Variants in TMPRSS11A observed in about 807,000 individuals in gnomAD.
TMPRSS11A encodes the protein transmembrane serine protease 11A.
TMPRSS11A carries 53 observed loss-of-function variants against 58.9 expected under a neutral mutation model. That is an observed-to-expected ratio of 0.90 (90% CI 0.72 to 1.13). TMPRSS11A has a LOEUF of 1.13. Ranked by LOEUF, TMPRSS11A falls within the 50% of genes most tolerant of loss-of-function variation. TMPRSS11A has a pLI of 0.00. For synonymous variants in TMPRSS11A, 167 were observed against 169.8 expected (o/e 0.98, Z 0.13); for missense variants, 493 against 499.3 (o/e 0.99, Z 0.12).
intron 4 of TMPRSS11A, 22 bp from the exon 5 acceptor site, chr4:67,930,062 T>C: frequency 6.3e-7 from 1 of 1,594,078 alleles, no homozygotes; most frequent in Non-Finnish European, 8.6e-7. Context: ...AAAAGAAAGG[T>C]ACATTTTCAA....
intron 5 of TMPRSS11A, among the ~76,000 whole-genome samples, chr4:67,928,404 A>G (rs1354113015): frequency 6.6e-6 from 1 of 152,232 alleles, no homozygotes; most frequent in Non-Finnish European, 1.5e-5. Flanking sequence ...ATTTAGTACA[A>G]TTATTAAAAT....
At chr4:67,922,233 G>A (rs1322738236) in intron 7 of TMPRSS11A, among the ~76,000 whole-genome samples, 1 of 152,130 alleles carries the variant, frequency 6.6e-6, no homozygotes, top group Non-Finnish European at 1.5e-5. Flanking sequence ...CATTTTGGTT[G>A]TAAACTGTTC....
chr4:67,941,280 C>G (rs1720874139), intron 3 of TMPRSS11A, among the ~76,000 whole-genome samples: 1 of 152,178 alleles, frequency 6.6e-6, no homozygotes, highest in Non-Finnish European at 1.5e-5. Flanking sequence ...TTAGCAACAA[C>G]AAACAGGTGT....
chr4:67,944,609 GGAGCCATGATA>G lies in TMPRSS11A; in HGVS notation c.151_161del (p.Tyr51LeufsTer2). 13 of 1,612,794 alleles carry G rather than the reference GGAGCCATGATA, an allele frequency of 8.1e-6. No individual in the cohort carries two copies. The highest frequency in any genetic ancestry group is 1.1e-5 in the Non-Finnish European group (13 of 1,179,092). On this transcript the variant is annotated frameshift_variant, in exon 3 of 10. Coordinates refer to ENST00000508048, the MANE Select transcript of TMPRSS11A (RefSeq NM_001114387.2). LOFTEE classifies it high-confidence loss of function. The stretch of plus-strand genomic sequence containing the variant: ...TGATTTGTGGATCTAAAATTTTAAA[GGAGCCATGATA>G]GTACTCCTTTTTTTGGTCTGCAATG...
Position 67,946,560 on chromosome 4 carries a change from A to T in TMPRSS11A, c.23T>A (p.Phe8Tyr), listed in dbSNP as rs996033683. 6.2e-7 allele frequency: 1 copy of T among 1,611,494 alleles called. No homozygotes were observed. The highest frequency in any genetic ancestry group is 8.5e-7 in the Non-Finnish European group (1 of 1,178,838). Residue 8 changes from phenylalanine (F) to tyrosine (Y), a missense_variant, in exon 2 of 10, where the codon TTT (phenylalanine) becomes TAT (tyrosine). Transcript: ENST00000508048. ...CTTCAGATTTCTGCTTCGGGTGCCA[A>T]ATCCCACTGTCCTGAGAAAAGGAAG... MMYRTVG[F>Y]GTRSRNLKPW...
chr4:67,942,650 C>A (rs1720907339), intron 3 of TMPRSS11A, among the ~76,000 whole-genome samples: 1 of 152,168 alleles, frequency 6.6e-6, no homozygotes, highest in South Asian at 2.1e-4. Flanking sequence ...CACACTGAGT[C>A]AGCCATTTTG....
chr4:67,956,183 A>T (rs1721283845), intron 1 of TMPRSS11A, among the ~76,000 whole-genome samples: 1 of 152,216 alleles, frequency 6.6e-6, no homozygotes, highest in Non-Finnish European at 1.5e-5. Context: ...GAGGTGTCAT[A>T]TAGGTGATCT....
At chr4:67,956,803 A>G (rs983925161) in intron 1 of TMPRSS11A, among the ~76,000 whole-genome samples, 1 of 152,122 alleles carries the variant, frequency 6.6e-6, no homozygotes, top group African/African-American at 2.4e-5. Context: ...TCTATCAACT[A>G]TTATTCCTTA....
chr4:67,931,613 G>T (rs1720622667), intron 4 of TMPRSS11A, among the ~76,000 whole-genome samples: 1 of 152,116 alleles, frequency 6.6e-6, no homozygotes, highest in African/African-American at 2.4e-5. Flanking sequence ...CCTGCTTAAC[G>T]TGGTTGAAAT....
chr4:67,916,481 AC>A (rs1720150897), intron 8 of TMPRSS11A, among the ~76,000 whole-genome samples: 1 of 41,448 alleles, frequency 2.4e-5, no homozygotes, highest in African/African-American at 5.4e-5. Flanking sequence ...ATACACACAC[AC>A]ACACACACAC....
At chr4:67,942,472 A>T (rs1720903995) in intron 3 of TMPRSS11A, among the ~76,000 whole-genome samples, 1 of 152,226 alleles carries the variant, frequency 6.6e-6, no homozygotes, top group South Asian at 2.1e-4. Context: ...AGCCTTGATC[A>T]TCTTCATCTT....
At chr4:67,917,836 T>G (rs975339454) in intron 8 of TMPRSS11A, among the ~76,000 whole-genome samples, 1 of 152,038 alleles carries the variant, frequency 6.6e-6, no homozygotes, top group Admixed American at 6.6e-5. Context: ...TCAGAGAAAA[T>G]CCATCCAAGA....
intron 3 of TMPRSS11A, among the ~76,000 whole-genome samples, chr4:67,937,761 G>GAT (rs1050579643): frequency 9.9e-5 from 15 of 152,034 alleles, no homozygotes; most frequent in Non-Finnish European, 1.9e-4. Flanking sequence ...GGTATATATA[G>GAT]ATATATATAC....
intron 3 of TMPRSS11A, among the ~76,000 whole-genome samples, chr4:67,939,797 T>C (rs553737826): frequency 6.6e-6 from 1 of 152,290 alleles, no homozygotes; most frequent in African/African-American, 2.4e-5. Flanking sequence ...CAAGTGATTC[T>C]CCTGCCTCAG....
chr4:67,923,436 A>C (rs1490789019), intron 6 of TMPRSS11A, among the ~76,000 whole-genome samples: 1 of 152,244 alleles, frequency 6.6e-6, no homozygotes, highest in Non-Finnish European at 1.5e-5. Flanking sequence ...ATCTTTCAAA[A>C]TTTAGGCCAC....
intron 3 of TMPRSS11A, among the ~76,000 whole-genome samples, chr4:67,944,303 C>G (rs1720947958): frequency 6.6e-6 from 1 of 152,012 alleles, no homozygotes; most frequent in African/African-American, 2.4e-5. Context: ...ATTAGAATCA[C>G]CCATTTGTTA....
At position 67,910,624 on chromosome 4, in the gene TMPRSS11A, T is replaced by C. The variant is rs1577847173; in HGVS notation, c.*718A>G. On this transcript the variant is annotated 3_prime_UTR_variant, in exon 10 of 10. Transcript: ENST00000508048. ...CAAATATATAGTTTTGATTAACTAA[T>C]CACTCTATCTATCTATATATAATTC... 6.6e-6 allele frequency: 1 copy of C among 152,100 alleles called. No individual in the cohort carries two copies. Among genetic ancestry groups the C allele is most frequent in the Non-Finnish European group, 1.5e-5 (1 of 67,954 alleles). The allele number at this position is 152,100 out of a possible 1,614,324, so 9.4% of individuals were successfully genotyped here.
At chr4:67,913,605 A>G (rs1720063584) in intron 9 of TMPRSS11A, among the ~76,000 whole-genome samples, 1 of 152,154 alleles carries the variant, frequency 6.6e-6, no homozygotes, top group South Asian at 2.1e-4. Flanking sequence ...GTCTGCTCCA[A>G]GACTCCTGCA....
At position 67,920,549 on chromosome 4, in the gene TMPRSS11A, A is replaced by ATATATAT. The variant is rs371252656; in HGVS notation, c.693-1318_693-1317insATATATA. ...TAATTATATATATATATATATATAT[A>ATATATAT]TTTTTTTTTATATATACACACACAC... On this transcript the variant is annotated intron_variant, in intron 7 of 9. Transcript: ENST00000508048. Among the ~76,000 whole-genome samples the ATATATAT allele has an allele frequency of 8.8e-3, 1,149 of 130,846 alleles. 11 individuals carry two copies. The highest frequency in any genetic ancestry group is 0.016 in the African/African-American group (518 of 32,622). 85.8% of individuals were successfully genotyped at this position (130,846 alleles called of 152,430 possible). A position where few individuals can be genotyped will look rare whatever the true frequency, so the allele number is the denominator to read the frequency against.
Sources: allele counts gnomAD v4.1 joint callset (sites outside exome capture counted in the v4.1 genomes callset), GRCh38; gene constraint gnomAD v4.1.1; transcripts MANE v1.5; gene names NCBI Gene and HGNC (gene_info 2026-07-23, HGNC 2026-07-21).